UNC13C: variants seen among roughly 807,000 people sequenced by gnomAD.
The protein encoded by UNC13C is unc-13 homolog C.
A neutral mutation model predicts 245.4 loss-of-function variants in UNC13C; 174 were observed. The ratio of observed to expected loss-of-function variants is 0.71; its 90% confidence interval spans 0.63 to 0.80. The LOEUF is 0.80. UNC13C is among the 30% of genes least tolerant of loss of function. The probability of loss-of-function intolerance (pLI) is 0.00; values close to 1 mark genes in which losing one functional copy is unlikely to be tolerated. For synonymous variants in UNC13C, 992 were observed against 895.1 expected, an observed-to-expected ratio of 1.11 and a Z score of -1.93; for missense variants, 2,829 against 2,602.9, an observed-to-expected ratio of 1.09 and a Z score of -1.89.
chr15:53,983,493 A>G (rs559147291), intron 1 of UNC13C, among the ~76,000 whole-genome samples: 23 of 152,218 alleles, frequency 1.5e-4, no homozygotes, highest in Admixed American at 9.8e-4. Context: ...AAAAATTAAT[A>G]CTTGATTCTT....
At chr15:53,998,960 C>G (rs955209872) in intron 1 of UNC13C, among the ~76,000 whole-genome samples, 1 of 151,908 alleles carries the variant, frequency 6.6e-6, no homozygotes, top group African/African-American at 2.4e-5. Flanking sequence ...TATGCTTGAT[C>G]GTGATCTATT....
At chr15:53,952,310 A>G in the UNC13C span, among the ~76,000 whole-genome samples, 2 of 152,284 alleles carry the variant, frequency 1.3e-5, no homozygotes, top group African/African-American at 4.8e-5. Context: ...TATCATCTCT[A>G]TTGGACAGAA....
At chr15:54,020,172 G>A (rs1895831228) in intron 2 of UNC13C, among the ~76,000 whole-genome samples, 1 of 152,028 alleles carries the variant, frequency 6.6e-6, no homozygotes, top group Non-Finnish European at 1.5e-5. Flanking sequence ...TAAAAGCTAT[G>A]TAGCAAATAT....
intron 2 of UNC13C, among the ~76,000 whole-genome samples, chr15:54,121,075 T>C (rs2030633039): frequency 6.6e-6 from 1 of 152,136 alleles, no homozygotes; most frequent in South Asian, 2.1e-4. Flanking sequence ...TTTGAGAGGA[T>C]GGAGTCCAAT....
intron 1 of UNC13C, among the ~76,000 whole-genome samples, chr15:53,996,615 C>A (rs953267951): frequency 5.3e-5 from 8 of 152,116 alleles, no homozygotes; most frequent in Admixed American, 2.6e-4. Flanking sequence ...TTTCTCATAT[C>A]CCCTTCAAGT....
the UNC13C span, among the ~76,000 whole-genome samples, chr15:53,859,877 G>C: frequency 6.6e-6 from 1 of 152,082 alleles, no homozygotes; most frequent in Non-Finnish European, 1.5e-5. Context: ...TTCTCTAACG[G>C]TTTTGGACTA....
intron 2 of UNC13C, chr15:54,050,416 G>A: frequency 1.8e-6 from 1 of 554,532 alleles, no homozygotes; most frequent in Non-Finnish European, 3.6e-6. Flanking sequence ...AATATTCTCT[G>A]GGAGTAGTCA....
At chr15:53,952,334 C>A in the UNC13C span, among the ~76,000 whole-genome samples, 7 of 152,150 alleles carry the variant, frequency 4.6e-5, no homozygotes, top group African/African-American at 1.7e-4. Context: ...GAAATAGATT[C>A]ATTCAGCTTT....
At chr15:54,242,171 G>C (rs2035870794) in intron 7 of UNC13C, among the ~76,000 whole-genome samples, 1 of 152,306 alleles carries the variant, frequency 6.6e-6, no homozygotes. Context: ...AATAAGATAA[G>C]TGAGGAAGAT....
intron 8 of UNC13C, among the ~76,000 whole-genome samples, chr15:54,261,993 TAAC>T (rs1461553445): frequency 6.6e-6 from 1 of 152,210 alleles, no homozygotes; most frequent in African/African-American, 2.4e-5. Context: ...TATTCTATAA[TAAC>T]AGCAATAATA....
chr15:54,014,470 C>A lies in UNC13C; in HGVS notation c.1567C>A (p.Gln523Lys). ...QLPESDILEK[Q>K]TTTHYADATP... ...GCCAGAATCAGATATCTTGGAAAAG[C>A]AAACCACAACCCATTATGCAGATGC... The change falls in exon 2 of 33, where the codon CAA becomes AAA. Residue 523 changes from glutamine (Q) to lysine (K), a missense_variant. By Grantham distance (53) the Gln-to-Lys change is moderately conservative. Transcript: ENST00000260323. 1 of 1,613,652 alleles carries A rather than the reference C, an allele frequency of 6.2e-7. No individual in the cohort carries two copies. Among genetic ancestry groups the A allele is most frequent in the Non-Finnish European group, 8.5e-7 (1 of 1,179,758 alleles).
At position 54,144,943 on chromosome 15, in the gene UNC13C, C is replaced by T. The variant is rs141647977; in HGVS notation, c.3071+1259C>T. Among the ~76,000 whole-genome samples the T allele has an allele frequency of 9.5e-3, 1,442 of 151,816 alleles. 13 individuals are homozygous for T. The highest frequency in any genetic ancestry group is 0.016 in the Non-Finnish European group (1,078 of 67,908). Reference sequence around the variant, plus strand: ...GAGAGATATCTATATAATTAATTATCTATCTATCTATATAGATTTTTGTTT... The same window carrying T: ...GAGAGATATCTATATAATTAATTATTTATCTATCTATATAGATTTTTGTTT... On this transcript the variant is annotated intron_variant, in intron 4 of 32. Transcript: ENST00000260323.
chr15:53,837,901 C>T, the UNC13C span, among the ~76,000 whole-genome samples: 1 of 152,030 alleles, frequency 6.6e-6, no homozygotes. Context: ...TGTATAGTAT[C>T]TTATTGGTCT....
chr15:54,207,328 GA>G (rs2034747855), intron 4 of UNC13C, among the ~76,000 whole-genome samples: 1 of 151,898 alleles, frequency 6.6e-6, no homozygotes, highest in Admixed American at 6.6e-5. Flanking sequence ...ATTAGTTTCA[GA>G]AAAAAGCTGG....
chr15:53,855,131 T>G, the UNC13C span, among the ~76,000 whole-genome samples: 3 of 152,184 alleles, frequency 2.0e-5, no homozygotes, highest in African/African-American at 7.2e-5. Context: ...CTTGTGATTT[T>G]TGCACAATTA....
intron 32 of UNC13C, among the ~76,000 whole-genome samples, chr15:54,626,570 A>G (rs369308054): frequency 6.6e-6 from 1 of 152,168 alleles, no homozygotes; most frequent in Non-Finnish European, 1.5e-5. Context: ...ACCCGCAATC[A>G]GGAGATTCTG....
the UNC13C span, among the ~76,000 whole-genome samples, chr15:53,885,975 G>A: frequency 6.6e-6 from 1 of 152,110 alleles, no homozygotes; most frequent in Non-Finnish European, 1.5e-5. Context: ...GTGAATGAAT[G>A]GTGGATGGTG....
intron 19 of UNC13C, among the ~76,000 whole-genome samples, chr15:54,472,109 A>G (rs143245393): frequency 3.0e-4 from 45 of 151,548 alleles, no homozygotes; most frequent in Middle Eastern, 3.4e-3. Context: ...TTTCCTTTTT[A>G]TCTTTTGTAC....
chr15:53,983,813 G>T (rs1490591726), intron 1 of UNC13C, among the ~76,000 whole-genome samples: 3 of 151,698 alleles, frequency 2.0e-5, no homozygotes, highest in Non-Finnish European at 4.4e-5. Context: ...ATTCAGCTCT[G>T]GGTCTCTCAA....
Sources: gnomAD v4.1 joint callset for allele counts (sites outside exome capture counted in the v4.1 genomes callset) on GRCh38, gnomAD v4.1.1 for gene constraint, MANE v1.5 for transcripts, NCBI Gene and HGNC (gene_info 2026-07-23, HGNC 2026-07-21) for gene names.